Variants in CHRNE observed in about 807,000 individuals in gnomAD.
The protein encoded by CHRNE is cholinergic receptor nicotinic epsilon subunit, also known as acetylcholine receptor subunit epsilon.
A neutral mutation model predicts 56.5 loss-of-function variants in CHRNE; 58 were observed. The observed-to-expected ratio is 1.03, with a 90% CI of 0.83 to 1.28. CHRNE has a LOEUF of 1.28. Among genes scored for constraint, CHRNE ranks in the 50% most tolerant of loss-of-function variants. The probability of loss-of-function intolerance (pLI) is 0.00; values close to 1 mark genes in which losing one functional copy is unlikely to be tolerated. For missense variants in CHRNE, 793 were observed against 688.9 expected (o/e 1.15, Z -1.69); for synonymous variants, 385 against 297.9 (o/e 1.29, Z -3.01).
At chr17:4,906,737 A>G (rs1970096791), upstream of CHRNE, among the ~76,000 whole-genome samples, 1 of 152,162 alleles carries the variant, frequency 6.6e-6, no homozygotes, top group Admixed American at 6.6e-5. Flanking sequence ...AGCCAAGATC[A>G]TGCCACTGCA....
chr17:4,900,936 C>A, intron 7 of CHRNE, 29 bp from the exon 8 acceptor site: 1 of 1,614,082 alleles, frequency 6.2e-7, no homozygotes, highest in Non-Finnish European at 8.5e-7. Flanking sequence ...AGAGCGGGCC[C>A]CGCCTCCCGG....
Position 4,898,889 on chromosome 17 carries a change from T to C in CHRNE, c.1329A>G (p.Glu443=). ...STRDQEATGE[E]VSDWVRMGNA... ...TCCCCATGCGCACCCAGTCGGACACTTCCTGGGGAAGGGTCGGCACAGTCA... is the reference window on the plus strand; with the variant it reads ...TCCCCATGCGCACCCAGTCGGACACCTCCTGGGGAAGGGTCGGCACAGTCA... The change falls in exon 12 of 12, where the codon GAA becomes GAG. Residue 443 remains glutamate, a splice_region_variant and synonymous_variant. Coordinates refer to ENST00000649488, the MANE Select transcript of CHRNE (RefSeq NM_000080.4). 6.3e-7 allele frequency: 1 copy of C among 1,578,234 alleles called. No homozygotes were observed. Among genetic ancestry groups the C allele is most frequent in the Non-Finnish European group, 8.6e-7 (1 of 1,162,388 alleles).
At chr17:4,900,024 A>G in intron 8 of CHRNE, 1 of 1,551,442 alleles carries the variant, frequency 6.4e-7, no homozygotes, top group Non-Finnish European at 8.7e-7. Flanking sequence ...AGAGAGCTGA[A>G]GTCCCTGGAG....
Position 4,902,088 on chromosome 17 carries a change from C to T in CHRNE, c.345-1G>A. The T allele has an allele frequency of 6.2e-7, 1 of 1,614,048 alleles. No individual in the cohort carries two copies. Among genetic ancestry groups the T allele is most frequent in the Non-Finnish European group, 8.5e-7 (1 of 1,179,996 alleles). ...GGCCACTCCGAACTGGCCATCAATACTGTGGGCTCGGGGAAACCGAGCTTT... is the reference window on the plus strand; with the variant it reads ...GGCCACTCCGAACTGGCCATCAATATTGTGGGCTCGGGGAAACCGAGCTTT... On this transcript the variant is annotated splice_acceptor_variant, in intron 4 of 11. Coordinates refer to ENST00000649488, the MANE Select transcript of CHRNE (RefSeq NM_000080.4). LOFTEE classifies it high-confidence loss of function. This position sits in a 1 kb window ranked among gnomAD's most constrained non-coding sequence, Gnocchi z 4.0.
chr17:4,899,820 T>C (rs1969903437), intron 8 of CHRNE: 1 of 1,551,032 alleles, frequency 6.4e-7, no homozygotes, highest in Non-Finnish European at 8.7e-7. Flanking sequence ...CTTCCACAGC[T>C]CCACCGAGGT....
chr17:4,905,343 G>A (rs983845727), upstream of CHRNE, among the ~76,000 whole-genome samples: 3 of 152,106 alleles, frequency 2.0e-5, no homozygotes, highest in East Asian at 3.9e-4. Flanking sequence ...GAGCCCAGGA[G>A]TTCAAGACCA....
chr17:4,908,133 T>A (rs1970114492), intron 1 of CHRNE, among the ~76,000 whole-genome samples: 1 of 152,260 alleles, frequency 6.6e-6, no homozygotes, highest in African/African-American at 2.4e-5. Context: ...ATCGTGCCAT[T>A]GCACTCCAGC....
rs1193224043 is a variant in CHRNE, at chr17:4,898,741, G to A, written c.1477C>T (p.Pro493Ser). The change falls in exon 12 of 12, where the codon CCT becomes TCT. Residue 493 changes from proline (P) to serine (S), a missense_variant. By Grantham distance (74) the Pro-to-Ser change is moderately conservative. Coordinates refer to ENST00000649488, the MANE Select transcript of CHRNE (RefSeq NM_000080.4). ...PDLPYAPCIQ[P>S] ...GAAATTGAAGTCGGTGCGAGCTAAG[G>A]CTGGATACACGGCGCGTAGGGGAGA... 6.2e-7 allele frequency: 1 copy of A among 1,610,902 alleles called. No individual in the cohort carries two copies. Among genetic ancestry groups the A allele is most frequent in the East Asian group, 2.2e-5 (1 of 44,794 alleles).
intron 6 of CHRNE, 47 bp from the exon 7 acceptor site, chr17:4,901,237 G>A (rs1036405246): frequency 5.1e-6 from 8 of 1,582,982 alleles, no homozygotes; most frequent in South Asian, 1.1e-5. Flanking sequence ...CGGGGCGCCC[G>A]CCGAGCTGAC....
intron 11 of CHRNE, 30 bp downstream of exon 11, chr17:4,898,967 GCCTC>G: frequency 1.6e-6 from 2 of 1,273,776 alleles, no homozygotes; most frequent in South Asian, 5.2e-5. Flanking sequence ...GTGGGCCTCT[GCCTC>G]GCTCCACCCG....
rs1207375260 is a variant in CHRNE at position 4,901,109 on chromosome 17, G to C, written c.683C>G (p.Thr228Ser). ...GATGATGAGCGAGTAGATGACGTCA[G>C]TCTCCCCTGGGCCGTCGGTGGCGCC... ...HGGATDGPGE[T>S]DVIYSLIIRR... Residue 228 changes from threonine to serine, a missense_variant, in exon 7 of 12, where the codon ACT (threonine) becomes AGT (serine). Coordinates refer to ENST00000649488, the MANE Select transcript of CHRNE (RefSeq NM_000080.4). 2 of 1,613,496 alleles carry C rather than the reference G, an allele frequency of 1.2e-6. No homozygotes were observed. Among genetic ancestry groups the C allele is most frequent in the South Asian group, 1.1e-5 (1 of 91,080 alleles).
At chr17:4,905,366 CAGTG>C (rs143412960), upstream of CHRNE, among the ~76,000 whole-genome samples, 4,166 of 151,962 alleles carry the variant, frequency 0.027, 206 homozygotes, top group African/African-American at 0.093. Context: ...CTGGGCAACA[CAGTG>C]AGACCCCCCA....
intron 9 of CHRNE, 30 bp downstream of exon 9, chr17:4,899,438 C>G: frequency 6.4e-7 from 1 of 1,557,662 alleles, no homozygotes; most frequent in East Asian, 2.4e-5. Flanking sequence ...CCCACCCCGA[C>G]CCGGGCTGCA....
At position 4,902,995 on chromosome 17, in the gene CHRNE, G is replaced by A. The variant is rs1567640439; in HGVS notation, c.46+23C>T. ...TGTCAGTATCTGTGTGTGTCCAATT[G>A]CCCCTCTAGCCCCTGTCCGTACCGA... On this transcript the variant is annotated intron_variant, in intron 1 of 11. Transcript: ENST00000649488. The surrounding 1 kb of genome is among the most constrained non-coding windows in gnomAD (Gnocchi z 4.0). The A allele has an allele frequency of 6.2e-7, 1 of 1,613,908 alleles. No homozygotes were observed. Among genetic ancestry groups the A allele is most frequent in the East Asian group, 2.2e-5 (1 of 44,872 alleles).
Position 4,898,916 on chromosome 17 carries a change from TA to T in CHRNE, c.1327-26del, listed in dbSNP as rs1441774413. Reference sequence around the variant, plus strand: ...CCTGGGGAAGGGTCGGCACAGTCAGTAAAGAGGCAGCTGCAGGAGCCAGCGG... The same window carrying T: ...CCTGGGGAAGGGTCGGCACAGTCAGTAAGAGGCAGCTGCAGGAGCCAGCGG... On this transcript the variant is annotated intron_variant, in intron 11 of 11. Coordinates refer to ENST00000649488, the MANE Select transcript of CHRNE (RefSeq NM_000080.4). 26 of 1,569,802 alleles carry T rather than the reference TA, an allele frequency of 1.7e-5. No homozygotes were observed. The African/African-American group carries it at 3.2e-4, about 20-fold the overall frequency.
At chr17:4,901,223 A>C (rs769079236) in intron 6 of CHRNE, 33 bp from the exon 7 acceptor site, 1 of 1,590,334 alleles carries the variant, frequency 6.3e-7, no homozygotes, top group Non-Finnish European at 8.5e-7. Flanking sequence ...GCTGGCTGTC[A>C]GAGCGGGGCG....
chr17:4,907,200 G>A (rs907999561), upstream of CHRNE, among the ~76,000 whole-genome samples: 1 of 151,892 alleles, frequency 6.6e-6, no homozygotes, highest in Non-Finnish European at 1.5e-5. Flanking sequence ...GTAATTGCAT[G>A]GTTGGTAACT....
At position 4,900,722 on chromosome 17, in the gene CHRNE, G is replaced by C. The variant is rs1465232868; in HGVS notation, c.917+71C>G. On this transcript the variant is annotated intron_variant, in intron 8 of 11. Coordinates refer to ENST00000649488, the MANE Select transcript of CHRNE (RefSeq NM_000080.4). The stretch of plus-strand genomic sequence containing the variant: ...GGGCGAGACAGCCAGAGCTTTTCCC[G>C]GGGTCTCTGGGTTTTGGCCACGCCC... 8.0e-6 allele frequency: 12 copies of C among 1,507,448 alleles called. No homozygotes were observed. The Admixed American group carries it at 1.2e-4, about 15-fold the overall frequency. 93.4% of individuals were successfully genotyped at this position (1,507,448 alleles called of 1,614,324 possible). A position where few individuals can be genotyped will look rare whatever the true frequency, so the allele number is the denominator to read the frequency against.
At position 4,902,505 on chromosome 17, in the gene CHRNE, G is replaced by A; in HGVS notation, c.190-11C>T. On this transcript the variant is annotated splice_polypyrimidine_tract_variant and intron_variant, in intron 2 of 11. Coordinates refer to ENST00000649488, the MANE Select transcript of CHRNE (RefSeq NM_000080.4). This position sits in a 1 kb window ranked among gnomAD's most constrained non-coding sequence, Gnocchi z 4.0. ...CTCCTCTTTTTCATTCTGCAGATGG[G>A]AGATGGGGATGATTGAAGTGAGATT... 2 of 1,614,190 alleles carry A rather than the reference G, an allele frequency of 1.2e-6. No individual in the cohort carries two copies. Among genetic ancestry groups the A allele is most frequent in the Non-Finnish European group, 1.7e-6 (2 of 1,180,026 alleles).
Sources: allele counts gnomAD v4.1 joint callset (sites outside exome capture counted in the v4.1 genomes callset), GRCh38; gene constraint gnomAD v4.1.1; non-coding constraint Gnocchi (gnomAD v3.1); transcripts MANE v1.5; gene names NCBI Gene and HGNC (gene_info 2026-07-23, HGNC 2026-07-21).